Variants in PDE1C observed in about 807,000 individuals in gnomAD.
PDE1C encodes dual specificity calcium/calmodulin-dependent 3',5'-cyclic nucleotide phosphodiesterase 1C.
In PDE1C, 62 loss-of-function variants were observed where a neutral mutation model predicts 93.1. The observed-to-expected ratio is 0.67, with a 90% CI of 0.54 to 0.82. The LOEUF is 0.82. Ranked by LOEUF, PDE1C falls within the 40% of genes least tolerant of loss-of-function variation. The pLI, the probability that PDE1C is intolerant of heterozygous loss-of-function variation, is 0.00. For missense variants in PDE1C, 742 were observed against 884.6 expected (o/e 0.84, Z 2.04); for synonymous variants, 325 against 310.1 (o/e 1.05, Z -0.50).
At chr7:31,899,557 T>C (rs1799723978) in intron 2 of PDE1C, among the ~76,000 whole-genome samples, 1 of 152,144 alleles carries the variant, frequency 6.6e-6, no homozygotes, top group Non-Finnish European at 1.5e-5. Context: ...ACAAGTGTTA[T>C]ATATTTTTAA....
chr7:31,881,971 A>C (rs568424941), intron 2 of PDE1C, among the ~76,000 whole-genome samples: 2 of 152,324 alleles, frequency 1.3e-5, no homozygotes, highest in South Asian at 4.1e-4. Flanking sequence ...TGGTATACGC[A>C]ATCTGTTCTC....
intron 1 of PDE1C, among the ~76,000 whole-genome samples, chr7:32,221,132 C>A (rs1056399310): frequency 1.3e-5 from 2 of 152,220 alleles, no homozygotes; most frequent in African/African-American, 2.4e-5. Context: ...CTTCTCCAAA[C>A]TGACAAGCCC....
intron 17 of PDE1C, among the ~76,000 whole-genome samples, chr7:31,759,162 T>G (rs991830611): frequency 1.3e-5 from 2 of 152,322 alleles, no homozygotes; most frequent in South Asian, 2.1e-4. Context: ...ATTGCTGTTT[T>G]GTATGCATTC....
chr7:31,734,326 C>T, the PDE1C span, among the ~76,000 whole-genome samples: 1 of 152,170 alleles, frequency 6.6e-6, no homozygotes, highest in East Asian at 1.9e-4. Context: ...AGAAAAGGGG[C>T]CCCAGAGGTT....
At chr7:31,642,963 A>G in the PDE1C span, 1 of 1,614,018 alleles carries the variant, frequency 6.2e-7, no homozygotes, top group Non-Finnish European at 8.5e-7. Context: ...CCACGAGGGG[A>G]GAATGCCCAA....
intron 9 of PDE1C, among the ~76,000 whole-genome samples, chr7:31,846,068 G>C (rs531778147): frequency 3.3e-5 from 5 of 152,028 alleles, no homozygotes; most frequent in Non-Finnish European, 7.4e-5. Context: ...TCATGGTTTT[G>C]AAGGATTTGT....
intron 2 of PDE1C, among the ~76,000 whole-genome samples, chr7:32,007,664 A>G (rs1786461169): frequency 1.3e-5 from 2 of 152,184 alleles, no homozygotes; most frequent in African/African-American, 4.8e-5. Context: ...CACTAGTCCC[A>G]ATTAGCCTTA....
chr7:32,389,814 C>T lies in PDE1C; in HGVS notation c.310+38008G>A, dbSNP rs116344590. On this transcript the variant is annotated intron_variant, in intron 1 of 1. Transcript: ENST00000672256. ...CAAAAAATGGGTATTATCATATCTC[C>T]AATTTTAGGGATGCACAAATCAAGC... Among the ~76,000 whole-genome samples, 358 of 152,284 alleles carry T rather than the reference C, an allele frequency of 2.4e-3. 1 individual carries two copies. The highest frequency in any genetic ancestry group is 8.2e-3 in the African/African-American group (340 of 41,552).
At chr7:31,805,563 G>A (rs1786718342) in intron 16 of PDE1C, among the ~76,000 whole-genome samples, 1 of 151,472 alleles carries the variant, frequency 6.6e-6, no homozygotes, top group Non-Finnish European at 1.5e-5. Flanking sequence ...ACTGAGATGT[G>A]CCTATGTCAC....
At chr7:32,332,563 T>C (rs1448183675) in intron 1 of PDE1C, among the ~76,000 whole-genome samples, 1 of 152,130 alleles carries the variant, frequency 6.6e-6, no homozygotes, top group African/African-American at 2.4e-5. Context: ...ATGTACACAT[T>C]TGTGCCAGAA....
At chr7:31,629,994 A>G in the PDE1C span, among the ~76,000 whole-genome samples, 1 of 152,178 alleles carries the variant, frequency 6.6e-6, no homozygotes, top group Non-Finnish European at 1.5e-5. Flanking sequence ...GAAGAAACAC[A>G]CACACACAAA....
At chr7:32,311,664 T>C (rs1783044178) in intron 1 of PDE1C, among the ~76,000 whole-genome samples, 1 of 152,116 alleles carries the variant, frequency 6.6e-6, no homozygotes, top group Non-Finnish European at 1.5e-5. Flanking sequence ...CACATGATTA[T>C]CTCAATAGAT....
chr7:31,804,047 C>T (rs1388124748), intron 16 of PDE1C, among the ~76,000 whole-genome samples: 2 of 151,768 alleles, frequency 1.3e-5, no homozygotes, highest in East Asian at 3.9e-4. Context: ...TGTTTTCTTG[C>T]TGCATTGCAT....
At chr7:31,687,674 G>C in the PDE1C span, among the ~76,000 whole-genome samples, 1 of 152,142 alleles carries the variant, frequency 6.6e-6, no homozygotes, top group African/African-American at 2.4e-5. Context: ...CTCTCCTCCA[G>C]GAATACTGCC....
At chr7:32,285,029 C>CAA (rs773479808) in intron 1 of PDE1C, among the ~76,000 whole-genome samples, 2 of 81,340 alleles carry the variant, frequency 2.5e-5, no homozygotes, top group African/African-American at 4.7e-5. Context: ...GACTCTGTCT[C>CAA]AAAAAAAAAA....
chr7:32,082,347 C>T (rs1379846467), intron 3 of PDE1C, among the ~76,000 whole-genome samples: 1 of 152,222 alleles, frequency 6.6e-6, no homozygotes, highest in Non-Finnish European at 1.5e-5. Context: ...CTTAGGTAAA[C>T]AAAGCAGCCG....
chr7:32,402,704 C>A, intron 1 of PDE1C, among the ~76,000 whole-genome samples: 1 of 152,200 alleles, frequency 6.6e-6, no homozygotes, highest in Non-Finnish European at 1.5e-5. Flanking sequence ...AATTCACCAT[C>A]ATACTCACCC....
At chr7:32,382,727 C>T (rs951116073) in intron 1 of PDE1C, among the ~76,000 whole-genome samples, 1 of 152,214 alleles carries the variant, frequency 6.6e-6, no homozygotes, top group African/African-American at 2.4e-5. Flanking sequence ...CTTATGGAGC[C>T]CTTTGAAGGA....
intron 1 of PDE1C, among the ~76,000 whole-genome samples, chr7:32,387,480 T>C (rs9770816): frequency 1.5e-4 from 22 of 147,736 alleles, no homozygotes; most frequent in Admixed American, 9.4e-4. Flanking sequence ...ACCTCCTGGA[T>C]AGGGCGGCTG....
Sources: gnomAD v4.1 joint callset for allele counts (sites outside exome capture counted in the v4.1 genomes callset) on GRCh38, gnomAD v4.1.1 for gene constraint, MANE v1.5 for transcripts, NCBI Gene and HGNC (gene_info 2026-07-23, HGNC 2026-07-21) for gene names.